The following RSL1D1 variants were observed in gnomAD, a reference collection of about 807,000 sequenced individuals.
RSL1D1 encodes the protein ribosomal L1 domain-containing protein 1.
In RSL1D1, 34 loss-of-function variants were observed where a neutral mutation model predicts 44.6. That is an observed-to-expected ratio of 0.76 (90% CI 0.58 to 1.02). The LOEUF is 1.02. RSL1D1 is among the 50% of genes least tolerant of loss of function. The pLI is 0.00. For synonymous variants in RSL1D1, 271 were observed against 207.4 expected (o/e 1.31, Z -2.63); for missense variants, 767 against 568.1 (o/e 1.35, Z -3.56).
At chr16:11,845,918 G>A (rs1398672644) in intron 5 of RSL1D1, among the ~76,000 whole-genome samples, 7 of 151,530 alleles carry the variant, frequency 4.6e-5, no homozygotes, top group Admixed American at 4.6e-4. Flanking sequence ...ATTGGCTGGG[G>A]GAGAGGGTCT....
rs181002329 is a variant in RSL1D1 at position 11,834,909 on chromosome 16, G to C, written c.*2878C>G. 1 of 152,230 alleles carries C rather than the reference G, an allele frequency of 6.6e-6. No individual in the cohort carries two copies. Among genetic ancestry groups the C allele is most frequent in the Admixed American group, 6.5e-5 (1 of 15,272 alleles). 9.4% of individuals were successfully genotyped at this position (152,230 alleles called of 1,614,324 possible). ...CAGGAGGACTTGAGCCCAGGAGTTC[G>C]AGCCCAGCCTAGGGAACACAGGGAA... On this transcript the variant is annotated 3_prime_UTR_variant, in exon 9 of 9. Coordinates refer to ENST00000571133, the MANE Select transcript of RSL1D1 (RefSeq NM_015659.3).
At chr16:11,840,755 C>T (rs2053759418) in intron 7 of RSL1D1, among the ~76,000 whole-genome samples, 1 of 152,156 alleles carries the variant, frequency 6.6e-6, no homozygotes, top group Non-Finnish European at 1.5e-5. Flanking sequence ...TAACCTCCGA[C>T]ATCCAAATAC....
chr16:11,843,871 C>CAAAAAAAAA (rs35833714), intron 5 of RSL1D1, among the ~76,000 whole-genome samples: 21 of 53,552 alleles, frequency 3.9e-4, no homozygotes, highest in African/African-American at 1.3e-3. Flanking sequence ...AACTCTGTCT[C>CAAAAAAAAA]AAAAAAAAAA....
In RSL1D1 at chr16:11,849,848, TTTTA is replaced by T. The variant is rs143622089; in HGVS notation, c.245+427_245+430del. On this transcript the variant is annotated intron_variant, in intron 2 of 8. Transcript: ENST00000571133. ...TCTGAATTTCTACGGTTCTTTTATTTTTTATTATTTTTTATTTTTTTGAGACAGA... is the reference window on the plus strand; with the variant it reads ...TCTGAATTTCTACGGTTCTTTTATTTTTATTTTTTATTTTTTTGAGACAGA... 9.9e-3 allele frequency among the ~76,000 whole-genome samples: 1,512 copies of T among 152,208 alleles called. 43 individuals are homozygous for T. Among genetic ancestry groups the T allele is most frequent in the East Asian group, 0.098 (507 of 5,172 alleles).
rs145034327 is a variant in RSL1D1, at chr16:11,845,671, T to C, written c.635+830A>G. Among the ~76,000 whole-genome samples the C allele has an allele frequency of 1.9e-4, 29 of 152,240 alleles. 1 individual carries two copies. The East Asian group carries it at 5.6e-3, about 29-fold the overall frequency. On this transcript the variant is annotated intron_variant, in intron 5 of 8. Transcript: ENST00000571133. ...ATGAGACAGCACAGATGCAGGCCATTTCCATCACAGTAGAAAGTGCTATCA... is the reference window on the plus strand; with the variant it reads ...ATGAGACAGCACAGATGCAGGCCATCTCCATCACAGTAGAAAGTGCTATCA...
rs755649838 is a variant in RSL1D1, at chr16:11,839,867, C to G, written c.974G>C (p.Ser325Thr). 1.2e-6 allele frequency: 2 copies of G among 1,614,046 alleles called. No homozygotes were observed. Among genetic ancestry groups the G allele is most frequent in the Non-Finnish European group, 1.7e-6 (2 of 1,180,040 alleles). ...VLSKDDVAPE[S>T]GDTTVKKPES... ...AGGTTTCTTCACTGTAGTATCACCA[C>G]TTTCAGGTGCCACATCATCTTTACT... The change falls in exon 8 of 9, where the codon AGT becomes ACT. Residue 325 changes from serine (S) to threonine (T), a missense_variant. Coordinates refer to ENST00000571133, the MANE Select transcript of RSL1D1 (RefSeq NM_015659.3).
chr16:11,850,195 C>T, intron 2 of RSL1D1, 84 bp downstream of exon 2: 4 of 1,323,858 alleles, frequency 3.0e-6, no homozygotes, highest in Non-Finnish European at 2.0e-6. Context: ...GCAAAGTTTC[C>T]ATTAGTAACC....
chr16:11,845,328 C>G (rs2053790218), intron 5 of RSL1D1, among the ~76,000 whole-genome samples: 1 of 152,150 alleles, frequency 6.6e-6, no homozygotes, highest in South Asian at 2.1e-4. Flanking sequence ...TGATGTGTGT[C>G]TGTAGTCCCA....
At chr16:11,847,231 C>T (rs1033542471) in intron 3 of RSL1D1, among the ~76,000 whole-genome samples, 5 of 151,974 alleles carry the variant, frequency 3.3e-5, no homozygotes, top group African/African-American at 4.8e-5. Flanking sequence ...AAAAATTAGC[C>T]GGGCATGATG....
In RSL1D1 at chr16:11,840,469, G is replaced by A. The variant is rs545905097; in HGVS notation, c.856-484C>T. ...TAGTTCCAACTACTCAGGAGGGTGA[G>A]GCACAGAGAATCATTTGAACCTGGA... On this transcript the variant is annotated intron_variant, in intron 7 of 8. Coordinates refer to ENST00000571133, the MANE Select transcript of RSL1D1 (RefSeq NM_015659.3). Among the ~76,000 whole-genome samples, 274 of 152,202 alleles carry A rather than the reference G, an allele frequency of 1.8e-3. 2 individuals are homozygous for A. Among genetic ancestry groups the A allele is most frequent in the Non-Finnish European group, 3.1e-3 (209 of 68,008 alleles).
At chr16:11,851,286 G>C in intron 1 of RSL1D1, 122 bp downstream of exon 1, 1 of 926,732 alleles carries the variant, frequency 1.1e-6, no homozygotes, top group South Asian at 1.4e-5. Context: ...CACACGGCCC[G>C]CCAGCGACCG....
At chr16:11,845,722 CTT>C (rs139021853) in intron 5 of RSL1D1, among the ~76,000 whole-genome samples, 5 of 147,052 alleles carry the variant, frequency 3.4e-5, no homozygotes, top group Non-Finnish European at 6.0e-5. Context: ...GAGAACTGAA[CTT>C]TTTTTTTTTT....
chr16:11,848,176 C>A (rs942498766), intron 2 of RSL1D1, among the ~76,000 whole-genome samples: 1 of 152,116 alleles, frequency 6.6e-6, no homozygotes, highest in Admixed American at 6.6e-5. Context: ...TCGCTTCAAC[C>A]CGGAAGGTGG....
chr16:11,849,369 A>C (rs2053820424), intron 2 of RSL1D1: 2 of 149,868 alleles, frequency 1.3e-5, no homozygotes, highest in Admixed American at 1.4e-4. Context: ...GCTGGGCAAC[A>C]GCGCAAGATC....
chr16:11,839,567 G>C, intron 8 of RSL1D1, 128 bp downstream of exon 8: 1 of 642,460 alleles, frequency 1.6e-6, no homozygotes, highest in South Asian at 1.9e-5. Flanking sequence ...ATCATGATAT[G>C]ATAACCACCT....
chr16:11,838,171 C>G, intron 8 of RSL1D1, 58 bp from the exon 9 acceptor site: 1 of 1,296,840 alleles, frequency 7.7e-7, no homozygotes, highest in Non-Finnish European at 1.1e-6. Context: ...GACACTCTAA[C>G]TCCAGGAGTT....
At chr16:11,838,287 G>T (rs557627036) in intron 8 of RSL1D1, among the ~76,000 whole-genome samples, 174 bp from the exon 9 acceptor site, 3 of 151,896 alleles carry the variant, frequency 2.0e-5, no homozygotes, top group Non-Finnish European at 4.4e-5. Context: ...TCTGCCTCCC[G>T]AGTAGCTGGT....
chr16:11,843,371 G>A (rs989801726), intron 5 of RSL1D1, among the ~76,000 whole-genome samples: 4 of 150,888 alleles, frequency 2.7e-5, no homozygotes, highest in East Asian at 2.0e-4. Flanking sequence ...ATGCCCAGCC[G>A]AGGCAGTGAT....
intron 5 of RSL1D1, among the ~76,000 whole-genome samples, chr16:11,845,001 G>A (rs1215241681): frequency 6.6e-6 from 1 of 152,164 alleles, no homozygotes; most frequent in Non-Finnish European, 1.5e-5. Context: ...AGGTGTGGGG[G>A]CTCCGCCTAG....
Sources: gnomAD v4.1 joint callset for allele counts (sites outside exome capture counted in the v4.1 genomes callset) on GRCh38, gnomAD v4.1.1 for gene constraint, MANE v1.5 for transcripts, NCBI Gene and HGNC (gene_info 2026-07-23, HGNC 2026-07-21) for gene names.